The following PAK5 variants were observed in gnomAD, a reference collection of about 807,000 sequenced individuals.
PAK5 encodes p21 (RAC1) activated kinase 5.
Under a neutral mutation model 65.9 loss-of-function variants are expected in PAK5, and 16 were observed. That is an observed-to-expected ratio of 0.24 (90% CI 0.16 to 0.37). The LOEUF is 0.37. Among genes scored for constraint, PAK5 ranks in the 10% least tolerant of loss-of-function variants. The pLI is 1.00. For missense variants in PAK5, 785 were observed against 903.9 expected (o/e 0.87, Z 1.69); for synonymous variants, 371 against 354.9 (o/e 1.05, Z -0.51).
rs1389116036 is a variant in PAK5 at position 9,747,899 on chromosome 20, C to T, written c.-161-36464G>A. Among the ~76,000 whole-genome samples the T allele has an allele frequency of 3.8e-3, 574 of 151,662 alleles. 3 individuals are homozygous for T. The highest frequency in any genetic ancestry group is 0.013 in the African/African-American group (555 of 41,310). On this transcript the variant is annotated intron_variant, in intron 1 of 9. Coordinates refer to ENST00000353224, the MANE Select transcript of PAK5 (RefSeq NM_177990.4). ...TAGGAAAAGAGGAAGTCAAATTGTC[C>T]CTGTTTGCAGATGACATGATTGTAT...
intron 9 of PAK5, among the ~76,000 whole-genome samples, chr20:9,540,446 A>G (rs538483896): frequency 6.6e-6 from 1 of 152,262 alleles, no homozygotes; most frequent in African/African-American, 2.4e-5. Context: ...TTACTTTTGT[A>G]CTTTACCAAA....
chr20:9,688,684 A>C (rs6141006), intron 2 of PAK5, among the ~76,000 whole-genome samples: 1 of 151,566 alleles, frequency 6.6e-6, no homozygotes, highest in African/African-American at 2.4e-5. Context: ...TGAACACAGG[A>C]TGGGGTGAGG....
intron 3 of PAK5, among the ~76,000 whole-genome samples, chr20:9,590,512 C>T (rs1262624207): frequency 5.1e-4 from 78 of 151,744 alleles, no homozygotes; most frequent in Non-Finnish European, 4.4e-5. Flanking sequence ...GTGTAAAATA[C>T]TTACTCTCAG....
rs183802621 is a variant in PAK5, at chr20:9,738,690, A to C, written c.-161-27255T>G. 3.0e-3 allele frequency among the ~76,000 whole-genome samples: 461 copies of C among 152,318 alleles called. 9 individuals carry two copies. The highest frequency in any genetic ancestry group is 0.025 in the Admixed American group (387 of 15,296). On this transcript the variant is annotated intron_variant, in intron 1 of 9. Coordinates refer to ENST00000353224, the MANE Select transcript of PAK5 (RefSeq NM_177990.4). ...GGGCAGACAGGAAAAGGCATGAGAG[A>C]AATTTTAAAAGGCTGTAATAAAACT...
intron 1 of PAK5, among the ~76,000 whole-genome samples, chr20:9,813,477 A>T (rs567536406): frequency 6.6e-6 from 1 of 152,312 alleles, no homozygotes; most frequent in African/African-American, 2.4e-5. Flanking sequence ...AGGCAAATAC[A>T]TACCACATAG....
chr20:9,613,747 C>T (rs1028588897), intron 3 of PAK5, among the ~76,000 whole-genome samples: 15 of 152,186 alleles, frequency 9.9e-5, no homozygotes, highest in Admixed American at 5.9e-4. Context: ...CCTAGCCACC[C>T]TGTCCTAGCT....
intron 3 of PAK5, among the ~76,000 whole-genome samples, chr20:9,624,845 C>G (rs747745123): frequency 3.9e-5 from 6 of 152,136 alleles, no homozygotes; most frequent in Non-Finnish European, 5.9e-5. Context: ...AAATATGTTA[C>G]TAACTATGAG....
At chr20:9,541,682 C>G (rs1014128392) in intron 9 of PAK5, among the ~76,000 whole-genome samples, 10 of 152,170 alleles carry the variant, frequency 6.6e-5, no homozygotes, top group African/African-American at 2.4e-4. Context: ...GCTTCCTTCA[C>G]TCTTCAGCTT....
intron 2 of PAK5, among the ~76,000 whole-genome samples, chr20:9,694,615 T>C (rs2047844019): frequency 6.6e-6 from 1 of 152,038 alleles, no homozygotes; most frequent in African/African-American, 2.4e-5. Flanking sequence ...AGAGATTGAT[T>C]GGTCTGCTTG....
At chr20:9,799,749 G>T (rs964396320) in intron 1 of PAK5, among the ~76,000 whole-genome samples, 6 of 151,758 alleles carry the variant, frequency 4.0e-5, no homozygotes, top group African/African-American at 1.5e-4. Flanking sequence ...AGAGCAGCAT[G>T]ACACCCATAA....
chr20:9,554,903 C>T (rs2045483317), intron 7 of PAK5, among the ~76,000 whole-genome samples: 1 of 152,098 alleles, frequency 6.6e-6, no homozygotes, highest in African/African-American at 2.4e-5. Flanking sequence ...GGGTCCAGTC[C>T]CCCATGTCTC....
Position 9,766,354 on chromosome 20 carries a change from T to TGAATATATATATATTCAAGCA in PAK5, c.-161-54920_-161-54919insTGCTTGAATATATATATATTC, listed in dbSNP as rs1555924160. Reference sequence around the variant, plus strand: ...CTTGAATATATATATTCTACTTACTTGAATATATATATATATTCAAGCAGA... The same window carrying TGAATATATATATATTCAAGCA: ...CTTGAATATATATATTCTACTTACTTGAATATATATATATTCAAGCAGAATATATATATATATTCAAGCAGA... On this transcript the variant is annotated intron_variant, in intron 1 of 9. Coordinates refer to ENST00000353224, the MANE Select transcript of PAK5 (RefSeq NM_177990.4). Among the ~76,000 whole-genome samples the TGAATATATATATATTCAAGCA allele has an allele frequency of 3.0e-4, 25 of 82,044 alleles. 8 individuals carry two copies. In the East Asian group the frequency reaches 4.3e-3, roughly 14 times the overall value. The allele number at this position is 82,044 out of a possible 152,430, so 53.8% of individuals were successfully genotyped here.
intron 2 of PAK5, among the ~76,000 whole-genome samples, chr20:9,660,322 G>C (rs931084807): frequency 6.6e-6 from 1 of 150,670 alleles, no homozygotes; most frequent in Non-Finnish European, 1.5e-5. Flanking sequence ...GGTAGATTAA[G>C]ATTATTTTAA....
At chr20:9,703,383 G>A (rs1351428531) in intron 2 of PAK5, among the ~76,000 whole-genome samples, 4 of 152,216 alleles carry the variant, frequency 2.6e-5, no homozygotes, top group African/African-American at 7.2e-5. Context: ...TGGGAATTCC[G>A]AGCTAGGGAA....
At chr20:9,786,252 A>G (rs77166443) in intron 1 of PAK5, among the ~76,000 whole-genome samples, 6,544 of 152,202 alleles carry the variant, frequency 0.043, 471 homozygotes, top group African/African-American at 0.15. Context: ...GAAGTTGAGT[A>G]TTTGAGCTTT....
intron 1 of PAK5, among the ~76,000 whole-genome samples, chr20:9,836,699 A>G (rs1979176077): frequency 6.6e-6 from 1 of 152,166 alleles, no homozygotes; most frequent in Non-Finnish European, 1.5e-5. Context: ...AATTTAAGGG[A>G]ATTAACATGT....
At chr20:9,767,026 C>A (rs1465543951) in intron 1 of PAK5, among the ~76,000 whole-genome samples, 1 of 152,048 alleles carries the variant, frequency 6.6e-6, no homozygotes, top group Non-Finnish European at 1.5e-5. Flanking sequence ...CCCCCACGTT[C>A]GGCCAAAATA....
intron 1 of PAK5, among the ~76,000 whole-genome samples, chr20:9,730,566 G>A (rs368175389): frequency 2.6e-5 from 4 of 152,136 alleles, no homozygotes; most frequent in Admixed American, 1.3e-4. Context: ...ATATATGCAC[G>A]CTTACGAGTG....
intron 2 of PAK5, among the ~76,000 whole-genome samples, chr20:9,686,810 GCCC>G (rs1377401535): frequency 2.0e-5 from 3 of 152,106 alleles, no homozygotes; most frequent in East Asian, 1.9e-4. Context: ...GTTTAAAGTT[GCCC>G]CTCATGCAGA....
Sources: allele counts gnomAD v4.1 joint callset (sites outside exome capture counted in the v4.1 genomes callset), GRCh38; gene constraint gnomAD v4.1.1; transcripts MANE v1.5; gene names NCBI Gene and HGNC (gene_info 2026-07-23, HGNC 2026-07-21).